Variants in LRP5 observed in about 807,000 individuals in gnomAD.
LRP5 encodes the protein LDL receptor related protein 5.
In LRP5, 62 loss-of-function variants were observed where a neutral mutation model predicts 154.1. That is an observed-to-expected ratio of 0.40 (90% CI 0.33 to 0.50). LRP5 has a LOEUF of 0.50. Ranked by LOEUF, LRP5 falls within the 20% of genes least tolerant of loss-of-function variation. The pLI, the probability that LRP5 is intolerant of heterozygous loss-of-function variation, is 0.55. For missense variants in LRP5, 1,915 were observed against 2,336.7 expected, an observed-to-expected ratio of 0.82 and a Z score of 3.72; for synonymous variants, 966 against 1,011.5, an observed-to-expected ratio of 0.96 and a Z score of 0.85.
Position 68,386,701 on chromosome 11 carries a change from C to A in LRP5, c.1401C>A (p.His467Gln), listed in dbSNP as rs113518978. The A allele has an allele frequency of 1.2e-6, 2 of 1,613,088 alleles. No individual in the cohort carries two copies. The change falls in exon 6 of 23, where the codon CAC (histidine) becomes CAA (glutamine). Residue 467 changes from histidine to glutamine, a missense_variant. Transcript: ENST00000294304. This position sits in a 1 kb window ranked among gnomAD's most constrained non-coding sequence, Gnocchi z 7.9. The part of the protein sequence containing the change: ...DLDEPRAIAL[H>Q]PVMGLMYWTD... ...ACGAGCCCCGAGCCATCGCACTGCACCCCGTGATGGGGTAAGACGGGCGGG... is the reference window on the plus strand; with the variant it reads ...ACGAGCCCCGAGCCATCGCACTGCAACCCGTGATGGGGTAAGACGGGCGGG...
the LRP5 span, among the ~76,000 whole-genome samples, chr11:68,298,536 C>T: frequency 6.6e-6 from 1 of 152,220 alleles, no homozygotes; most frequent in Non-Finnish European, 1.5e-5. Flanking sequence ...ACCAGCTGCA[C>T]CCCATGGGGT....
At chr11:68,429,822 A>G (rs1366506114) in intron 17 of LRP5, 122 bp downstream of exon 17, 14 of 1,310,112 alleles carry the variant, frequency 1.1e-5, no homozygotes, top group Middle Eastern at 1.8e-4. Flanking sequence ...TCCAAAGCTG[A>G]TTGTGTCTTC....
At chr11:68,393,662 T>TC (rs2098647631) in intron 7 of LRP5, among the ~76,000 whole-genome samples, 1 of 152,092 alleles carries the variant, frequency 6.6e-6, no homozygotes, top group South Asian at 2.1e-4. Flanking sequence ...GCGCCTGTAA[T>TC]CCCAGCTACT....
chr11:68,384,423 C>G (rs1381650550), intron 5 of LRP5, among the ~76,000 whole-genome samples: 1 of 152,182 alleles, frequency 6.6e-6, no homozygotes, highest in African/African-American at 2.4e-5. Context: ...TGTGCAGGGG[C>G]ATGGCCACAG....
chr11:68,315,068 C>A (rs1166963949), intron 1 of LRP5, among the ~76,000 whole-genome samples: 1 of 152,164 alleles, frequency 6.6e-6, no homozygotes, highest in Admixed American at 6.5e-5. Flanking sequence ...TTCTCCCTTG[C>A]AGCGACGGGT....
At chr11:68,442,801 A>C (rs2098678884) in intron 21 of LRP5, among the ~76,000 whole-genome samples, 1 of 152,186 alleles carries the variant, frequency 6.6e-6, no homozygotes, top group Admixed American at 6.5e-5. Flanking sequence ...AGCATGAACC[A>C]CTGGCCTGGG....
rs557869262 is a variant in LRP5, at chr11:68,428,055, C to T, written c.3638-1520C>T. Among the ~76,000 whole-genome samples, 19 of 151,370 alleles carry T rather than the reference C, an allele frequency of 1.3e-4. No individual in the cohort carries two copies. In the South Asian group the frequency reaches 2.3e-3, roughly 18 times the overall value. On this transcript the variant is annotated intron_variant, in intron 16 of 22. Coordinates refer to ENST00000294304, the MANE Select transcript of LRP5 (RefSeq NM_002335.4). ...TCGCCCAGGCTGGAGTGCAGTGGCG[C>T]GATCTCGGTTCACTGCAACCTCTGC...
chr11:68,324,755 A>T (rs1258710052), intron 1 of LRP5, among the ~76,000 whole-genome samples: 1 of 152,234 alleles, frequency 6.6e-6, no homozygotes, highest in African/African-American at 2.4e-5. Context: ...CCACACCAGG[A>T]GGTGCCACTT....
intron 4 of LRP5, among the ~76,000 whole-genome samples, 160 bp downstream of exon 4, chr11:68,364,103 G>GC (rs1432005025): frequency 6.6e-6 from 1 of 151,170 alleles, no homozygotes; most frequent in Non-Finnish European, 1.5e-5. Flanking sequence ...GCTCTGGGGG[G>GC]CCCCCTCTCT....
chr11:68,379,773 T>C (rs1272708524), intron 5 of LRP5, among the ~76,000 whole-genome samples: 2 of 152,248 alleles, frequency 1.3e-5, no homozygotes, highest in Non-Finnish European at 2.9e-5. Flanking sequence ...TTCCACCTGC[T>C]GTCCTCCTCT....
At chr11:68,358,228 G>T (rs1158358393) in intron 3 of LRP5, among the ~76,000 whole-genome samples, 2 of 151,760 alleles carry the variant, frequency 1.3e-5, no homozygotes, top group East Asian at 1.9e-4. Context: ...CGATCCTCCC[G>T]CCTCAGCCTC....
intron 14 of LRP5, among the ~76,000 whole-genome samples, chr11:68,424,318 C>T (rs1462746095): frequency 3.3e-5 from 5 of 152,326 alleles, no homozygotes; most frequent in East Asian, 3.9e-4. Context: ...GGTCCTGGGC[C>T]GGGAGCCCAG....
chr11:68,409,073 A>AAAAAATATATATATATATAT (rs2098657548), intron 9 of LRP5, among the ~76,000 whole-genome samples: 1 of 44,178 alleles, frequency 2.3e-5, no homozygotes, highest in African/African-American at 1.3e-4. Flanking sequence ...AAAAAAAAAA[A>AAAAAATATATATATATATAT]ATATATATAT....
intron 5 of LRP5, among the ~76,000 whole-genome samples, chr11:68,375,403 C>T (rs1048481862): frequency 1.3e-5 from 2 of 152,204 alleles, no homozygotes; most frequent in Non-Finnish European, 2.9e-5. Context: ...TGGAAATGCA[C>T]GATTTGTTTC....
At chr11:68,439,195 G>C (rs1042430586) in intron 20 of LRP5, among the ~76,000 whole-genome samples, 2 of 152,178 alleles carry the variant, frequency 1.3e-5, no homozygotes, top group Non-Finnish European at 2.9e-5. Flanking sequence ...TGTATCACAT[G>C]GGTGACCATG....
rs143370052 is a variant in LRP5, at chr11:68,363,013, G to A, written c.687-734G>A. 5.1e-3 allele frequency among the ~76,000 whole-genome samples: 771 copies of A among 152,308 alleles called. 5 individuals carry two copies. The highest frequency in any genetic ancestry group is 0.018 in the African/African-American group (739 of 41,572). ...CAGTGTCCATAATCTCATTACACCC[G>A]AGTCCTCATTTGCTGGGCACTGTAA... is the stretch of plus-strand genomic sequence containing the variant. On this transcript the variant is annotated intron_variant, in intron 3 of 22. Transcript: ENST00000294304.
At position 68,443,585 on chromosome 11, in the gene LRP5, AT is replaced by A. The variant is rs1219762322; in HGVS notation, c.4489-2837del. 7.7e-4 allele frequency among the ~76,000 whole-genome samples: 19 copies of A among 24,834 alleles called. 1 individual carries two copies. The highest frequency in any genetic ancestry group is 0.11 in the Middle Eastern group (2 of 18). 16.3% of individuals were successfully genotyped at this position (24,834 alleles called of 152,430 possible). A position where few individuals can be genotyped will look rare whatever the true frequency, so the allele number is the denominator to read the frequency against. On this transcript the variant is annotated intron_variant, in intron 21 of 22. Transcript: ENST00000294304. ...TATATATATATATATATATATATATATTTTTTTTTTTTTTGGTTATGTTCAG... is the reference window on the plus strand; with the variant it reads ...TATATATATATATATATATATATATATTTTTTTTTTTTTGGTTATGTTCAG...
Position 68,423,999 on chromosome 11 carries a change from A to G in LRP5, c.3236+302A>G, listed in dbSNP as rs1406399918. ...TGTTAAACTTGAACCCTGTGCAGAA[A>G]TCCCTTCCACGGCATGGGGGCTGCC... On this transcript the variant is annotated intron_variant, in intron 14 of 22. Transcript: ENST00000294304. The surrounding 1 kb of genome is among the most constrained non-coding windows in gnomAD (Gnocchi z 4.7). 6.6e-6 allele frequency among the ~76,000 whole-genome samples: 1 copy of G among 152,154 alleles called. No individual in the cohort carries two copies. The highest frequency in any genetic ancestry group is 1.5e-5 in the Non-Finnish European group (1 of 68,032).
At chr11:68,363,992 GC>G in intron 4 of LRP5, 49 bp downstream of exon 4, 1 of 743,336 alleles carries the variant, frequency 1.3e-6, no homozygotes, top group Non-Finnish European at 2.0e-6. Flanking sequence ...GCTGGGGGGA[GC>G]GGGGGCGCGG....
Sources: allele counts gnomAD v4.1 joint callset (sites outside exome capture counted in the v4.1 genomes callset), GRCh38; gene constraint gnomAD v4.1.1; non-coding constraint Gnocchi (gnomAD v3.1); transcripts MANE v1.5; gene names NCBI Gene and HGNC (gene_info 2026-07-23, HGNC 2026-07-21).